Variants in PLEKHA5 observed in about 807,000 individuals in gnomAD.
The protein encoded by PLEKHA5 is pleckstrin homology domain containing A5.
A neutral mutation model predicts 181.9 loss-of-function variants in PLEKHA5; 55 were observed. That is an observed-to-expected ratio of 0.30 (90% CI 0.24 to 0.38). The LOEUF (loss-of-function observed/expected upper bound fraction) is 0.38, where lower values mean the gene tolerates loss of function less well. PLEKHA5 is among the 10% of genes least tolerant of loss of function. The pLI is 1.00. For synonymous variants in PLEKHA5, 535 were observed against 529.4 expected, an observed-to-expected ratio of 1.01 and a Z score of -0.15; for missense variants, 1,432 against 1,549.5, an observed-to-expected ratio of 0.92 and a Z score of 1.27.
intron 30 of PLEKHA5, among the ~76,000 whole-genome samples, chr12:19,367,974 A>G (rs1467208612): frequency 1.3e-5 from 2 of 152,076 alleles, no homozygotes; most frequent in Admixed American, 6.6e-5. Context: ...AGTAAGAAAC[A>G]ATGAAATTCA....
intron 26 of PLEKHA5, among the ~76,000 whole-genome samples, chr12:19,354,318 A>ATT (rs541109545): frequency 6.9e-6 from 1 of 144,176 alleles, no homozygotes; most frequent in African/African-American, 2.6e-5. Flanking sequence ...CGCCCGGCTA[A>ATT]TTTTTTTTGT....
At chr12:19,293,804 A>G (rs1053499670) in intron 15 of PLEKHA5, among the ~76,000 whole-genome samples, 5 of 152,128 alleles carry the variant, frequency 3.3e-5, no homozygotes, top group Non-Finnish European at 5.9e-5. Flanking sequence ...ACTTTCCCAC[A>G]TCGAGATTGT....
chr12:19,289,964 A>G (rs998644805), intron 13 of PLEKHA5, among the ~76,000 whole-genome samples: 3 of 151,924 alleles, frequency 2.0e-5, no homozygotes, highest in African/African-American at 7.3e-5. Context: ...TTATTTTGAG[A>G]TGGAGTCTCG....
chr12:19,192,641 G>A (rs1199729675), intron 3 of PLEKHA5, among the ~76,000 whole-genome samples: 7 of 152,118 alleles, frequency 4.6e-5, no homozygotes, highest in Non-Finnish European at 1.0e-4. Flanking sequence ...AGGTGGAAGC[G>A]GTTTCATTGA....
chr12:19,276,222 A>G (rs2074464932), intron 11 of PLEKHA5, among the ~76,000 whole-genome samples: 1 of 152,206 alleles, frequency 6.6e-6, no homozygotes, highest in Non-Finnish European at 1.5e-5. Context: ...TAGAGACATA[A>G]GCTAGGAGAG....
At chr12:19,283,239 C>CGG in intron 11 of PLEKHA5, 41 bp from the exon 12 acceptor site, 52 of 995,812 alleles carry the variant, frequency 5.2e-5, no homozygotes, top group Non-Finnish European at 7.1e-5. Flanking sequence ...TGGAAAATAA[C>CGG]CCTCCTTCAT....
At chr12:19,229,007 A>G (rs952780102) in intron 3 of PLEKHA5, among the ~76,000 whole-genome samples, 7 of 152,212 alleles carry the variant, frequency 4.6e-5, no homozygotes, top group Non-Finnish European at 1.0e-4. Flanking sequence ...CTTGTTGACA[A>G]AGGAATTTAT....
At chr12:19,191,891 G>A (rs2051223960) in intron 3 of PLEKHA5, among the ~76,000 whole-genome samples, 1 of 152,166 alleles carries the variant, frequency 6.6e-6, no homozygotes, top group South Asian at 2.1e-4. Flanking sequence ...AAGCCTAAGA[G>A]AGTAAGGTAG....
At chr12:19,219,076 C>T (rs2058521379) in intron 3 of PLEKHA5, among the ~76,000 whole-genome samples, 1 of 151,834 alleles carries the variant, frequency 6.6e-6, no homozygotes, top group South Asian at 2.1e-4. Context: ...CGCTGGTCCA[C>T]TTATATGTGG....
intron 15 of PLEKHA5, among the ~76,000 whole-genome samples, chr12:19,299,534 G>A (rs187207730): frequency 2.7e-4 from 41 of 152,236 alleles, no homozygotes; most frequent in South Asian, 6.2e-4. Context: ...TCTAGATTTC[G>A]TCACGTATCC....
chr12:19,272,927 G>T (rs1265387349), intron 10 of PLEKHA5, among the ~76,000 whole-genome samples: 2 of 152,114 alleles, frequency 1.3e-5, no homozygotes, highest in Admixed American at 6.5e-5. Context: ...CTTGTTTTGA[G>T]ATGGAGTCTC....
At chr12:19,221,402 A>G (rs189712916) in intron 3 of PLEKHA5, among the ~76,000 whole-genome samples, 50 of 152,308 alleles carry the variant, frequency 3.3e-4, no homozygotes, top group Non-Finnish European at 3.5e-4. Context: ...TAAAAAGTCT[A>G]CTTACTGTAT....
intron 30 of PLEKHA5, 70 bp downstream of exon 30, chr12:19,366,179 G>A: frequency 2.3e-6 from 3 of 1,302,112 alleles, no homozygotes; most frequent in South Asian, 1.3e-5. Context: ...TTTTCCATGG[G>A]GAGATTCTAA....
intron 3 of PLEKHA5, among the ~76,000 whole-genome samples, chr12:19,253,512 T>C (rs562995997): frequency 1.3e-5 from 2 of 152,172 alleles, no homozygotes; most frequent in East Asian, 3.9e-4. Context: ...GAAAGATATA[T>C]TTAGGAATCT....
chr12:19,329,910 C>G (rs1422325319), intron 20 of PLEKHA5, among the ~76,000 whole-genome samples: 1 of 149,484 alleles, frequency 6.7e-6, no homozygotes, highest in African/African-American at 2.5e-5. Context: ...AACTCCATCT[C>G]TACAAAAAAA....
At chr12:19,265,701 C>A in intron 7 of PLEKHA5, 49 bp from the exon 8 acceptor site, 2 of 1,076,276 alleles carry the variant, frequency 1.9e-6, no homozygotes, top group Non-Finnish European at 2.8e-6. Context: ...AAAAACTTTG[C>A]TTCATAAGAA....
intron 3 of PLEKHA5, among the ~76,000 whole-genome samples, chr12:19,172,413 A>G (rs1232563524): frequency 1.3e-5 from 2 of 152,212 alleles, no homozygotes; most frequent in African/African-American, 4.8e-5. Flanking sequence ...ATATCCAAGT[A>G]ACATAAAGAA....
intron 7 of PLEKHA5, among the ~76,000 whole-genome samples, chr12:19,265,494 A>G (rs1312757708): frequency 6.6e-6 from 1 of 152,210 alleles, no homozygotes; most frequent in Non-Finnish European, 1.5e-5. Flanking sequence ...TGGGTGGGTT[A>G]ATGCCATTAC....
intron 9 of PLEKHA5, 102 bp downstream of exon 9, chr12:19,269,987 G>A (rs1835149274): frequency 1.5e-6 from 1 of 662,838 alleles, no homozygotes; most frequent in Non-Finnish European, 2.6e-6. Flanking sequence ...AATAGTCATG[G>A]TATGAAATCA....
Sources: gnomAD v4.1 joint callset for allele counts (sites outside exome capture counted in the v4.1 genomes callset) on GRCh38, gnomAD v4.1.1 for gene constraint, MANE v1.5 for transcripts, NCBI Gene and HGNC (gene_info 2026-07-23, HGNC 2026-07-21) for gene names.